The following ABR variants were observed in gnomAD, a reference collection of about 807,000 sequenced individuals.
The protein encoded by ABR is active breakpoint cluster region-related protein.
A neutral mutation model predicts 107.2 loss-of-function variants in ABR; 35 were observed. The observed-to-expected ratio is 0.33, with a 90% CI of 0.25 to 0.43. ABR has a LOEUF of 0.43. Among genes scored for constraint, ABR ranks in the 20% least tolerant of loss-of-function variants. ABR has a pLI of 1.00. For missense variants in ABR, 815 were observed against 1,115.2 expected, an observed-to-expected ratio of 0.73 and a Z score of 3.83; for synonymous variants, 498 against 462.0, an observed-to-expected ratio of 1.08 and a Z score of -1.00.
exon 1 of ABR, chr17:1,187,275 G>C (rs1183532029): frequency 6.6e-6 from 1 of 152,450 alleles, no homozygotes. Flanking sequence ...TGTGTGCTGT[G>C]TCTCTTTAAG....
intron 16 of ABR, among the ~76,000 whole-genome samples, chr17:1,024,024 C>CA (rs11334940): frequency 0.021 from 977 of 47,566 alleles, 47 homozygotes; most frequent in East Asian, 0.099. Context: ...GACTCCATCT[C>CA]AAAAAAAAAA....
rs552819448 is a variant in ABR, at chr17:1,007,493, C to G, written c.2343-181G>C. Among the ~76,000 whole-genome samples the G allele has an allele frequency of 2.0e-5, 3 of 152,280 alleles. No individual in the cohort carries two copies. In the East Asian group the frequency reaches 5.8e-4, roughly 29 times the overall value. On this transcript the variant is annotated intron_variant, in intron 21 of 22. Transcript: ENST00000302538. ...GGGACTCATCCAGGAGAGCAGGGCC[C>G]CAGCCATGTGCCAGTGTTCTGTGCT...
At chr17:1,204,387 G>C (rs1435502232) in intron 1 of ABR, among the ~76,000 whole-genome samples, 1 of 152,236 alleles carries the variant, frequency 6.6e-6, no homozygotes, top group African/African-American at 2.4e-5. Flanking sequence ...AGAGGTTGCA[G>C]TGAGCCGAGA....
chr17:1,160,081 GC>G (rs1296926192), intron 1 of ABR, among the ~76,000 whole-genome samples: 1 of 152,078 alleles, frequency 6.6e-6, no homozygotes, highest in East Asian at 1.9e-4. Context: ...GAGGTAGGGC[GC>G]AGGAGGAAAC....
chr17:1,072,582 G>A (rs1026959747), intron 8 of ABR, 32 bp downstream of exon 8: 1 of 1,581,294 alleles, frequency 6.3e-7, no homozygotes, highest in East Asian at 2.3e-5. Context: ...TTCTCAGCCT[G>A]GGTGAGGGGC....
At chr17:1,193,626 C>T (rs76582440) in intron 1 of ABR, among the ~76,000 whole-genome samples, 283 of 152,262 alleles carry the variant, frequency 1.9e-3, no homozygotes, top group African/African-American at 6.3e-3. Context: ...GTTTCCAGCA[C>T]GCCAGGGAGT....
chr17:1,200,963 G>A lies in ABR; in HGVS notation c.838+27830C>T, dbSNP rs1300986889. On this transcript the variant is annotated intron_variant, in intron 1 of 22. Coordinates refer to the ABR transcript ENST00000574139. This position sits in a 1 kb window ranked among gnomAD's most constrained non-coding sequence, Gnocchi z 4.1. ...GGCCAGGGACACCCACCTGCCTCAG[G>A]AGGGGCTGTGTTAATGACATCAGCC... Among the ~76,000 whole-genome samples the A allele has an allele frequency of 6.6e-6, 1 of 152,224 alleles. No individual in the cohort carries two copies. The highest frequency in any genetic ancestry group is 1.5e-5 in the Non-Finnish European group (1 of 68,044).
chr17:1,083,466 A>G, intron 5 of ABR, 54 bp downstream of exon 5: 38 of 1,356,096 alleles, frequency 2.8e-5, no homozygotes, highest in Non-Finnish European at 3.7e-5. Context: ...AAGGGCTCTG[A>G]GCAGCCCCCA....
Position 1,031,053 on chromosome 17 carries a change from G to A in ABR, c.1792-17889C>T, listed in dbSNP as rs185469284. ...CGGCGGTCTGCCCTGGCACATGGAC[G>A]GAACGCCTGGTGCCCGGCGGGCACT... On this transcript the variant is annotated intron_variant, in intron 16 of 22. Transcript: ENST00000302538. 4.3e-3 allele frequency among the ~76,000 whole-genome samples: 650 copies of A among 152,330 alleles called. 7 individuals carry two copies. Among genetic ancestry groups the A allele is most frequent in the African/African-American group, 0.015 (623 of 41,592 alleles).
At chr17:1,196,575 G>A (rs1567883817) in intron 1 of ABR, among the ~76,000 whole-genome samples, 1 of 151,124 alleles carries the variant, frequency 6.6e-6, no homozygotes, top group African/African-American at 2.4e-5. Context: ...TGTTGCCCTG[G>A]GCTTACCAAA....
chr17:1,127,051 G>A (rs374921052), intron 1 of ABR, among the ~76,000 whole-genome samples: 8 of 152,306 alleles, frequency 5.3e-5, no homozygotes, highest in African/African-American at 9.6e-5. Flanking sequence ...ACGCCTGGCC[G>A]TGGCCACACT....
chr17:1,132,176 A>G (rs1567807586), intron 1 of ABR, among the ~76,000 whole-genome samples: 1 of 151,970 alleles, frequency 6.6e-6, no homozygotes, highest in African/African-American at 2.4e-5. Flanking sequence ...AGCCTGGCCA[A>G]CATAAGGAGA....
At chr17:1,204,527 C>T (rs1034119213) in intron 1 of ABR, among the ~76,000 whole-genome samples, 3 of 152,174 alleles carry the variant, frequency 2.0e-5, no homozygotes, top group Admixed American at 6.5e-5. Flanking sequence ...ACTATATATA[C>T]AAAGGTGGTC....
chr17:1,128,124 C>T (rs956568549), intron 1 of ABR, among the ~76,000 whole-genome samples: 14 of 152,218 alleles, frequency 9.2e-5, no homozygotes, highest in Admixed American at 7.9e-4. Flanking sequence ...GGCGAAAGGG[C>T]TCGGCCTGCG....
intron 1 of ABR, among the ~76,000 whole-genome samples, chr17:1,197,205 G>A (rs539253983): frequency 3.3e-5 from 5 of 151,822 alleles, no homozygotes; most frequent in Non-Finnish European, 5.9e-5. Flanking sequence ...ACTTTAAGGA[G>A]AGTCACTCCT....
chr17:1,072,723 G>A lies in ABR; in HGVS notation c.785C>T (p.Pro262Leu), dbSNP rs774620959. The A allele has an allele frequency of 1.9e-6, 3 of 1,613,752 alleles. No individual in the cohort carries two copies. The highest frequency in any genetic ancestry group is 1.1e-5 in the South Asian group (1 of 91,032). The part of the protein sequence containing the change: ...DLLKHTPVDH[P>L]DYPLLQDALR... ...GGCATCCTGCAGCAGCGGGTAGTCG[G>A]GGTGGTCCACAGGTGTGTGCTTCAG... Residue 262 changes from proline to leucine, a missense_variant, in exon 8 of 23, where the codon CCC (proline) becomes CTC (leucine). Physicochemically the swap from Pro to Leu is moderately conservative, Grantham distance 98 (BLOSUM62 -3). Transcript: ENST00000302538.
chr17:1,212,898 A>AAG (rs577008803), intron 1 of ABR, among the ~76,000 whole-genome samples: 3 of 151,958 alleles, frequency 2.0e-5, no homozygotes, highest in African/African-American at 7.3e-5. Context: ...AAAAAAAAAA[A>AAG]AGAGAGAGAG....
intron 16 of ABR, among the ~76,000 whole-genome samples, chr17:1,031,155 A>G (rs190254062): frequency 1.4e-3 from 212 of 151,820 alleles, no homozygotes; most frequent in African/African-American, 4.9e-3. Flanking sequence ...CCTCCCCACA[A>G]TCCTGCACAG....
chr17:1,109,883 C>CA (rs1392217890), intron 2 of ABR, among the ~76,000 whole-genome samples: 1 of 128,802 alleles, frequency 7.8e-6, no homozygotes. Flanking sequence ...GCAGTCCCCC[C>CA]ACTCACGGAC....
Sources: gnomAD v4.1 joint callset for allele counts (sites outside exome capture counted in the v4.1 genomes callset) on GRCh38, gnomAD v4.1.1 for gene constraint, Gnocchi (gnomAD v3.1) non-coding constraint, MANE v1.5 for transcripts, NCBI Gene and HGNC (gene_info 2026-07-23, HGNC 2026-07-21) for gene names.